Variants in SLC9B1 observed in about 807,000 individuals in gnomAD.
SLC9B1 encodes solute carrier family 9 member B1.
Under a neutral mutation model 51.7 loss-of-function variants are expected in SLC9B1, and 32 were observed. The observed-to-expected ratio is 0.62, with a 90% CI of 0.47 to 0.83. The LOEUF (loss-of-function observed/expected upper bound fraction) is 0.83, where lower values mean the gene tolerates loss of function less well. SLC9B1 is among the 40% of genes least tolerant of loss of function. The pLI is 0.00. For synonymous variants in SLC9B1, 145 were observed against 212.7 expected (o/e 0.68, Z 2.77); for missense variants, 406 against 613.2 (o/e 0.66, Z 3.57).
chr4:102,940,794 A>G (rs1271544553), intron 6 of SLC9B1, among the ~76,000 whole-genome samples: 2 of 152,234 alleles, frequency 1.3e-5, no homozygotes, highest in African/African-American at 2.4e-5. Flanking sequence ...CCAGTGGAAC[A>G]GGTTACAGAA....
At chr4:102,905,095 A>G (rs939914437) in intron 11 of SLC9B1, among the ~76,000 whole-genome samples, 6 of 152,122 alleles carry the variant, frequency 3.9e-5, no homozygotes, top group African/African-American at 1.4e-4. Flanking sequence ...TTGAGGCTGC[A>G]GTGAGCTGTG....
intron 7 of SLC9B1, among the ~76,000 whole-genome samples, chr4:102,921,107 T>G (rs1735851515): frequency 6.6e-6 from 1 of 152,130 alleles, no homozygotes; most frequent in South Asian, 2.1e-4. Context: ...GAAACATACT[T>G]ATCAGATTCA....
chr4:102,979,823 G>C (rs1739261689), intron 3 of SLC9B1, among the ~76,000 whole-genome samples: 1 of 151,938 alleles, frequency 6.6e-6, no homozygotes. Flanking sequence ...CAGAATGGGA[G>C]AAAATTTTTG....
At chr4:103,004,067 T>C (rs985152853) in intron 1 of SLC9B1, among the ~76,000 whole-genome samples, 4 of 152,198 alleles carry the variant, frequency 2.6e-5, no homozygotes, top group African/African-American at 2.4e-5. Flanking sequence ...ATGAATGTAG[T>C]TGTTCCTCAG....
intron 1 of SLC9B1, among the ~76,000 whole-genome samples, chr4:102,999,035 G>A (rs576556757): frequency 1.6e-3 from 239 of 152,172 alleles, no homozygotes; most frequent in Non-Finnish European, 2.9e-3. Flanking sequence ...TTATTTTTTT[G>A]TATAGCCAGG....
chr4:102,991,769 A>T (rs1214963468), intron 1 of SLC9B1, 57 bp from the exon 2 acceptor site: 6 of 1,231,504 alleles, frequency 4.9e-6, no homozygotes, highest in Non-Finnish European at 6.7e-6. Context: ...AATCCATATG[A>T]AAACAAACAT....
chr4:102,933,215 C>G (rs1338691589), intron 6 of SLC9B1, among the ~76,000 whole-genome samples: 1 of 152,202 alleles, frequency 6.6e-6, no homozygotes, highest in East Asian at 1.9e-4. Context: ...CTGACAAGCA[C>G]CTACCTGGGA....
At chr4:102,966,302 C>A (rs1352825744) in intron 3 of SLC9B1, among the ~76,000 whole-genome samples, 1 of 152,198 alleles carries the variant, frequency 6.6e-6, no homozygotes, top group Non-Finnish European at 1.5e-5. Context: ...CCAGTCTTTT[C>A]AGTACATTCC....
intron 3 of SLC9B1, among the ~76,000 whole-genome samples, chr4:102,955,901 G>A (rs1737786380): frequency 1.4e-5 from 1 of 70,470 alleles, no homozygotes; most frequent in Non-Finnish European, 2.7e-5. Context: ...AAGAAAGAAA[G>A]AGAGAGAAAG....
intron 3 of SLC9B1, among the ~76,000 whole-genome samples, chr4:102,982,552 T>A (rs1739414318): frequency 6.6e-6 from 1 of 152,160 alleles, no homozygotes; most frequent in Non-Finnish European, 1.5e-5. Context: ...ATTTAGTTCT[T>A]TTATTTATTT....
chr4:102,954,840 G>A (rs1560949448), intron 3 of SLC9B1, among the ~76,000 whole-genome samples: 1 of 152,120 alleles, frequency 6.6e-6, no homozygotes, highest in Non-Finnish European at 1.5e-5. Flanking sequence ...AATGAAAATT[G>A]TTAATCAGAG....
At chr4:102,979,199 C>T (rs1248425139) in intron 3 of SLC9B1, among the ~76,000 whole-genome samples, 1 of 152,160 alleles carries the variant, frequency 6.6e-6, no homozygotes, top group Non-Finnish European at 1.5e-5. Flanking sequence ...TTCCTATTTG[C>T]TCTTTGCCAA....
chr4:103,008,428 T>A (rs1194624032), intron 1 of SLC9B1, among the ~76,000 whole-genome samples: 1 of 151,998 alleles, frequency 6.6e-6, no homozygotes, highest in Non-Finnish European at 1.5e-5. Flanking sequence ...GCTACTTTTT[T>A]TTTTTTTTTT....
intron 1 of SLC9B1, among the ~76,000 whole-genome samples, chr4:103,018,927 G>A (rs1741571425): frequency 6.6e-6 from 1 of 152,184 alleles, no homozygotes; most frequent in South Asian, 2.1e-4. Context: ...TCTCATAGGA[G>A]CACAGACCTG....
At chr4:102,886,215 G>A (rs779357600) in intron 11 of SLC9B1, among the ~76,000 whole-genome samples, 5 of 152,138 alleles carry the variant, frequency 3.3e-5, no homozygotes, top group East Asian at 1.9e-4. Flanking sequence ...CAGGCCAGGC[G>A]CGGTGGCTCA....
Position 102,908,425 on chromosome 4 carries a change from T to C in SLC9B1, c.1087-1781A>G, listed in dbSNP as rs1735165695. Among the ~76,000 whole-genome samples the C allele has an allele frequency of 2.0e-5, 3 of 152,404 alleles. No individual in the cohort carries two copies. The South Asian group carries it at 6.2e-4, about 32-fold the overall frequency. ...ATACATACACACACATCAGGCATGA[T>C]GTAGTTCTATCTCTGTTCAGTTAAC... is the stretch of plus-strand genomic sequence containing the variant. On this transcript the variant is annotated intron_variant, in intron 9 of 11. Coordinates refer to ENST00000296422, the MANE Select transcript of SLC9B1 (RefSeq NM_139173.4).
chr4:103,003,324 G>T (rs978077103), intron 1 of SLC9B1, among the ~76,000 whole-genome samples: 9 of 152,086 alleles, frequency 5.9e-5, no homozygotes, highest in Non-Finnish European at 1.2e-4. Context: ...CTCTTGTTCA[G>T]TTGTATTCAC....
intron 1 of SLC9B1, among the ~76,000 whole-genome samples, chr4:103,016,553 C>A (rs567175146): frequency 3.3e-5 from 5 of 150,878 alleles, no homozygotes; most frequent in South Asian, 2.1e-4. Flanking sequence ...ATGCACAGAT[C>A]TCTTTATTTT....
chr4:102,994,983 C>G (rs999208463), intron 1 of SLC9B1, among the ~76,000 whole-genome samples: 2 of 152,108 alleles, frequency 1.3e-5, no homozygotes, highest in African/African-American at 4.8e-5. Context: ...ACTACCTTGT[C>G]ATAAGCTGTT....
Sources: allele counts gnomAD v4.1 joint callset (sites outside exome capture counted in the v4.1 genomes callset), GRCh38; gene constraint gnomAD v4.1.1; transcripts MANE v1.5; gene names NCBI Gene and HGNC (gene_info 2026-07-23, HGNC 2026-07-21).